Variants in GPR158 observed in about 807,000 individuals in gnomAD.
GPR158 encodes metabotropic glycine receptor.
In GPR158, 30 loss-of-function variants were observed where a neutral mutation model predicts 78.2. The ratio of observed to expected loss-of-function variants is 0.38; its 90% confidence interval spans 0.29 to 0.52. The LOEUF is 0.52. Ranked by LOEUF, GPR158 falls within the 20% of genes least tolerant of loss-of-function variation. The pLI, the probability that GPR158 is intolerant of heterozygous loss-of-function variation, is 0.83. For synonymous variants in GPR158, 581 were observed against 591.1 expected (o/e 0.98, Z 0.25); for missense variants, 1,463 against 1,523.5 (o/e 0.96, Z 0.66).
rs1834210924 is a variant in GPR158 at position 25,385,594 on chromosome 10, G to A, written c.1009-10317G>A. ...TCATGTTTTCACCAACAGTGCACAAGGGTTCCAATTTTTTCCACATCCTCA... is the reference window on the plus strand; with the variant it reads ...TCATGTTTTCACCAACAGTGCACAAAGGTTCCAATTTTTTCCACATCCTCA... On this transcript the variant is annotated intron_variant, in intron 2 of 10. Coordinates refer to ENST00000376351, the MANE Select transcript of GPR158 (RefSeq NM_020752.3). 2.0e-5 allele frequency among the ~76,000 whole-genome samples: 3 copies of A among 152,128 alleles called. No homozygotes were observed. The South Asian group carries it at 6.2e-4, about 32-fold the overall frequency.
intron 2 of GPR158, among the ~76,000 whole-genome samples, chr10:25,365,198 A>G (rs1476071696): frequency 6.6e-6 from 1 of 151,386 alleles, no homozygotes; most frequent in Non-Finnish European, 1.5e-5. Flanking sequence ...TTGCAGATGA[A>G]AAGATAGCAA....
intron 7 of GPR158, among the ~76,000 whole-genome samples, chr10:25,575,418 G>A (rs1482341094): frequency 2.0e-5 from 3 of 152,032 alleles, no homozygotes; most frequent in Admixed American, 6.6e-5. Flanking sequence ...AGAAAGAGCG[G>A]CTCTCAAAGT....
chr10:25,572,618 T>G (rs773473651), intron 6 of GPR158, 31 bp from the exon 7 acceptor site: 2 of 1,328,712 alleles, frequency 1.5e-6, no homozygotes, highest in Non-Finnish European at 1.1e-6. Context: ...ATGTTAGGTT[T>G]GCTTTCACAT....
rs1031125561 is a variant in GPR158, at chr10:25,601,345, C to A, written c.*2071C>A. ...TTTTGTGTCTTTACACCATTTATTT[C>A]TTTTATCTCTTCCTTTTCAATGAAG... On this transcript the variant is annotated 3_prime_UTR_variant, in exon 11 of 11. Coordinates refer to ENST00000376351, the MANE Select transcript of GPR158 (RefSeq NM_020752.3). The A allele has an allele frequency of 2.0e-5, 3 of 152,540 alleles. No individual in the cohort carries two copies. Among genetic ancestry groups the A allele is most frequent in the South Asian group, 2.1e-4 (1 of 4,814 alleles). The allele number at this position is 152,540 out of a possible 1,614,324, so 9.4% of individuals were successfully genotyped here. A position where few individuals can be genotyped will look rare whatever the true frequency, so the allele number is the denominator to read the frequency against.
chr10:25,201,010 A>T (rs1852920340), intron 1 of GPR158, among the ~76,000 whole-genome samples: 1 of 151,352 alleles, frequency 6.6e-6, no homozygotes, highest in Non-Finnish European at 1.5e-5. Context: ...GTGGTTCCAT[A>T]TGAATTTTAA....
chr10:25,464,936 C>T (rs1835403140), intron 4 of GPR158, among the ~76,000 whole-genome samples: 1 of 152,196 alleles, frequency 6.6e-6, no homozygotes, highest in Non-Finnish European at 1.5e-5. Flanking sequence ...TTCTATCTAA[C>T]ATAATGACCA....
chr10:25,417,976 G>T (rs1167150861), intron 4 of GPR158, among the ~76,000 whole-genome samples: 1 of 152,140 alleles, frequency 6.6e-6, no homozygotes, highest in Non-Finnish European at 1.5e-5. Flanking sequence ...GACCATTTTG[G>T]AACTGAGGCC....
intron 4 of GPR158, among the ~76,000 whole-genome samples, chr10:25,431,927 C>A (rs1005762075): frequency 1.3e-5 from 2 of 151,968 alleles, no homozygotes; most frequent in African/African-American, 4.8e-5. Context: ...GGGTGCAGCA[C>A]ACCAGCATGG....
chr10:25,451,874 G>A (rs146210185), intron 4 of GPR158, among the ~76,000 whole-genome samples: 27 of 152,276 alleles, frequency 1.8e-4, no homozygotes, highest in African/African-American at 6.3e-4. Context: ...GTTAGAGTGA[G>A]GAGGTCTCTT....
intron 4 of GPR158, among the ~76,000 whole-genome samples, chr10:25,419,105 C>T (rs1053908689): frequency 4.6e-5 from 7 of 151,600 alleles, no homozygotes; most frequent in Admixed American, 2.0e-4. Context: ...ATTTTCAGAA[C>T]TTTTTTTTAT....
chr10:25,441,302 A>G (rs762373792), intron 4 of GPR158, among the ~76,000 whole-genome samples: 1 of 152,212 alleles, frequency 6.6e-6, no homozygotes, highest in East Asian at 1.9e-4. Context: ...TCAGTTAGCA[A>G]TTAGCAAAAC....
chr10:25,200,459 G>T lies in GPR158; in HGVS notation c.903-20593G>T, dbSNP rs118045104. ...GTTTGCAAATATTTTCTCCCATTCTGTGGGGTGTCTGTTTGCTCTGTGGAT... is the reference window on the plus strand; with the variant it reads ...GTTTGCAAATATTTTCTCCCATTCTTTGGGGTGTCTGTTTGCTCTGTGGAT... On this transcript the variant is annotated intron_variant, in intron 1 of 10. Transcript: ENST00000376351. Among the ~76,000 whole-genome samples the T allele has an allele frequency of 2.6e-3, 390 of 152,258 alleles. 5 individuals carry two copies. Among genetic ancestry groups the T allele is most frequent in the East Asian group, 0.021 (109 of 5,186 alleles).
At position 25,475,743 on chromosome 10, in the gene GPR158, G is replaced by C. The variant is rs1835574503; in HGVS notation, c.1404+9024G>C. ...ACCTTACCTACTTTCTGTGTTCCTG[G>C]TGTGGGCTATACTAGAATTGTTCAT... On this transcript the variant is annotated intron_variant, in intron 5 of 10. Transcript: ENST00000376351. The C allele has an allele frequency of 2.0e-5, 3 of 151,998 alleles. No homozygotes were observed. In the South Asian group the frequency reaches 6.2e-4, roughly 32 times the overall value. The allele number at this position is 151,998 out of a possible 1,614,324, so 9.4% of individuals were successfully genotyped here.
rs548706653 is a variant in GPR158 at position 25,329,175 on chromosome 10, G to A, written c.1009-66736G>A. Among the ~76,000 whole-genome samples, 506 of 152,036 alleles carry A rather than the reference G, an allele frequency of 3.3e-3. 3 individuals are homozygous for A. Among genetic ancestry groups the A allele is most frequent in the African/African-American group, 0.011 (466 of 41,488 alleles). On this transcript the variant is annotated intron_variant, in intron 2 of 10. Coordinates refer to ENST00000376351, the MANE Select transcript of GPR158 (RefSeq NM_020752.3). ...TTTTAGGCCAGGCGCGGTGGCTCAC[G>A]CCTGTAATCCCAGCACTTTGGGAGG...
chr10:25,211,743 G>T (rs759433098), intron 1 of GPR158, among the ~76,000 whole-genome samples: 4 of 152,040 alleles, frequency 2.6e-5, no homozygotes, highest in African/African-American at 9.7e-5. Context: ...TTTACCTTTC[G>T]CAGTCAAGTT....
chr10:25,476,094 G>A (rs1480538133), intron 5 of GPR158: 1 of 152,124 alleles, frequency 6.6e-6, no homozygotes, highest in Non-Finnish European at 1.5e-5. Flanking sequence ...TTGTTATATT[G>A]GGTAGCAGAG....
chr10:25,185,446 G>C (rs1488045545), intron 1 of GPR158, among the ~76,000 whole-genome samples: 1 of 152,162 alleles, frequency 6.6e-6, no homozygotes, highest in South Asian at 2.1e-4. Context: ...TAAATATGTA[G>C]AATCTGTTGC....
chr10:25,187,299 T>C (rs1852702456), intron 1 of GPR158, among the ~76,000 whole-genome samples: 1 of 152,048 alleles, frequency 6.6e-6, no homozygotes, highest in Non-Finnish European at 1.5e-5. Flanking sequence ...AGCATCATCC[T>C]GATACCAAAG....
chr10:25,463,544 A>G (rs1023847191), intron 4 of GPR158, among the ~76,000 whole-genome samples: 2 of 152,168 alleles, frequency 1.3e-5, no homozygotes, highest in African/African-American at 4.8e-5. Flanking sequence ...ATTACTGATC[A>G]TCTTTCAATT....
Sources: allele counts gnomAD v4.1 joint callset (sites outside exome capture counted in the v4.1 genomes callset), GRCh38; gene constraint gnomAD v4.1.1; transcripts MANE v1.5; gene names NCBI Gene and HGNC (gene_info 2026-07-23, HGNC 2026-07-21).